ADAMTSL1: variants seen among roughly 807,000 people sequenced by gnomAD.
ADAMTSL1 encodes ADAMTS like 1.
In ADAMTSL1, 126 loss-of-function variants were observed where a neutral mutation model predicts 201.8. The ratio of observed to expected loss-of-function variants is 0.62; its 90% CI spans 0.54 to 0.72. ADAMTSL1 has a LOEUF of 0.72. Among genes scored for constraint, ADAMTSL1 ranks in the 30% least tolerant of loss-of-function variants. The pLI is 0.00. For synonymous variants in ADAMTSL1, 1,121 were observed against 903.4 expected (o/e 1.24, Z -4.32); for missense variants, 2,679 against 2,277.8 (o/e 1.18, Z -3.59).
intron 2 of ADAMTSL1, among the ~76,000 whole-genome samples, chr9:18,526,747 GCAGTATAGCTC>G (rs1191923765): frequency 1.3e-5 from 2 of 152,148 alleles, no homozygotes; most frequent in African/African-American, 2.4e-5. Flanking sequence ...GCAACCTCCT[GCAGTATAGCTC>G]CAGTGAGTAC....
chr9:18,427,897 G>A (rs1356167977), intron 2 of ADAMTSL1, among the ~76,000 whole-genome samples: 1 of 152,236 alleles, frequency 6.6e-6, no homozygotes, highest in Non-Finnish European at 1.5e-5. Flanking sequence ...TCAAACGGAT[G>A]TGCTTAGTTC....
chr9:18,332,281 ATAAAGTTTTTATAATTTTATAT>A (rs1238892690), intron 2 of ADAMTSL1, among the ~76,000 whole-genome samples: 1 of 152,224 alleles, frequency 6.6e-6, no homozygotes, highest in African/African-American at 2.4e-5. Flanking sequence ...TGAGAGTCCT[ATAAAGTTTTTATAATTTTATAT>A]TTAGGGATGG....
chr9:18,779,366 C>A (rs73644665), intron 19 of ADAMTSL1, among the ~76,000 whole-genome samples: 4,709 of 152,254 alleles, frequency 0.031, 255 homozygotes, highest in African/African-American at 0.11. Context: ...CCTTTGATAA[C>A]AATACTAAGT....
At chr9:18,626,601 T>A (rs1034960961) in intron 5 of ADAMTSL1, among the ~76,000 whole-genome samples, 1 of 152,188 alleles carries the variant, frequency 6.6e-6, no homozygotes, top group Admixed American at 6.5e-5. Context: ...TGGGGTTTTT[T>A]GTAAGTCTGA....
intron 2 of ADAMTSL1, among the ~76,000 whole-genome samples, chr9:18,286,447 G>A (rs894622983): frequency 6.6e-6 from 1 of 152,100 alleles, no homozygotes; most frequent in Admixed American, 6.5e-5. Context: ...GCTGGCTCCT[G>A]TTTGAAAATT....
At chr9:18,076,373 G>T (rs529422202) in intron 1 of ADAMTSL1, among the ~76,000 whole-genome samples, 5 of 152,212 alleles carry the variant, frequency 3.3e-5, no homozygotes, top group African/African-American at 1.2e-4. Context: ...AAATACCACT[G>T]ATACAGTTCT....
chr9:18,023,166 G>C (rs552716629), intron 1 of ADAMTSL1, among the ~76,000 whole-genome samples: 1 of 151,952 alleles, frequency 6.6e-6, no homozygotes, highest in African/African-American at 2.4e-5. Flanking sequence ...GTATGTCTGC[G>C]AAAGAGCAAT....
intron 2 of ADAMTSL1, among the ~76,000 whole-genome samples, chr9:18,369,268 T>C (rs1177064716): frequency 1.3e-4 from 20 of 152,238 alleles, no homozygotes; most frequent in Admixed American, 1.3e-3. Flanking sequence ...CTCAAGCAAA[T>C]TAATTAGCCT....
intron 1 of ADAMTSL1, among the ~76,000 whole-genome samples, chr9:17,964,015 A>G (rs1242457648): frequency 6.6e-6 from 1 of 152,156 alleles, no homozygotes; most frequent in Non-Finnish European, 1.5e-5. Context: ...TATGGCACCA[A>G]TTAGACAAAG....
chr9:18,517,831 T>C (rs1818456535), intron 2 of ADAMTSL1, among the ~76,000 whole-genome samples: 1 of 152,214 alleles, frequency 6.6e-6, no homozygotes, highest in Non-Finnish European at 1.5e-5. Flanking sequence ...TTCCAAGTCT[T>C]TGCTATTGTG....
chr9:18,402,507 A>C (rs2133272308), intron 2 of ADAMTSL1, among the ~76,000 whole-genome samples: 1 of 152,224 alleles, frequency 6.6e-6, no homozygotes, highest in African/African-American at 2.4e-5. Flanking sequence ...CTAAGTCTCT[A>C]ATCTCTTCTT....
At chr9:18,756,737 T>A (rs747717461) in intron 16 of ADAMTSL1, among the ~76,000 whole-genome samples, 6 of 152,220 alleles carry the variant, frequency 3.9e-5, no homozygotes, top group Non-Finnish European at 5.9e-5. Context: ...GGGGATCACA[T>A]GTTTCGTTTA....
At chr9:18,431,358 T>G (rs200546381) in intron 2 of ADAMTSL1, among the ~76,000 whole-genome samples, 1 of 152,194 alleles carries the variant, frequency 6.6e-6, no homozygotes, top group East Asian at 1.9e-4. Context: ...AAACTAAAAG[T>G]GTATCAGTGT....
At chr9:18,745,470 T>C (rs909447653) in intron 15 of ADAMTSL1, among the ~76,000 whole-genome samples, 1 of 152,196 alleles carries the variant, frequency 6.6e-6, no homozygotes, top group African/African-American at 2.4e-5. Flanking sequence ...TGGTACAACA[T>C]ACTATTTCAG....
intron 2 of ADAMTSL1, among the ~76,000 whole-genome samples, chr9:18,197,320 G>A (rs559560749): frequency 1.3e-4 from 20 of 152,074 alleles, no homozygotes; most frequent in African/African-American, 4.6e-4. Flanking sequence ...AGCATGGAAT[G>A]TTCTTCCATT....
chr9:17,979,182 G>A (rs1024683800), intron 1 of ADAMTSL1, among the ~76,000 whole-genome samples: 1 of 152,002 alleles, frequency 6.6e-6, no homozygotes, highest in African/African-American at 2.4e-5. Context: ...GAGACTTTCA[G>A]GATTCATAAA....
intron 2 of ADAMTSL1, among the ~76,000 whole-genome samples, chr9:18,209,715 C>G (rs1014250219): frequency 6.6e-6 from 1 of 152,172 alleles, no homozygotes; most frequent in African/African-American, 2.4e-5. Flanking sequence ...ACACCTCCAA[C>G]TAATTTTTGC....
intron 16 of ADAMTSL1, among the ~76,000 whole-genome samples, chr9:18,764,083 G>A (rs1820229682): frequency 6.6e-6 from 1 of 152,072 alleles, no homozygotes; most frequent in Non-Finnish European, 1.5e-5. Flanking sequence ...GATTGCTTTG[G>A]GTAGTAAGGG....
In ADAMTSL1 at chr9:18,492,947, T is replaced by C. The variant is rs1052624657; in HGVS notation, c.64-11882T>C. ...CTATCAATATTATGTATGTACACTC[T>C]GAAACATTTTAAAATTAAAAGTGCT... On this transcript the variant is annotated intron_variant, in intron 1 of 28. Transcript: ENST00000380548. Among the ~76,000 whole-genome samples, 21 of 152,164 alleles carry C rather than the reference T, an allele frequency of 1.4e-4. 1 individual carries two copies. Among genetic ancestry groups the C allele is most frequent in the Admixed American group, 1.3e-3 (20 of 15,280 alleles).
Sources: gnomAD v4.1 joint callset for allele counts (sites outside exome capture counted in the v4.1 genomes callset) on GRCh38, gnomAD v4.1.1 for gene constraint, MANE v1.5 for transcripts, NCBI Gene and HGNC (gene_info 2026-07-23, HGNC 2026-07-21) for gene names.